The following B3GALT1 variants were observed in gnomAD, a reference collection of about 807,000 sequenced individuals.
B3GALT1 encodes the protein UDP-Gal:betaGlcNAc beta 1,3-galactosyltransferase, polypeptide 1.
In B3GALT1, 10 loss-of-function variants were observed where a neutral mutation model predicts 23.2. The ratio of observed to expected loss-of-function variants is 0.43; its 90% confidence interval spans 0.27 to 0.73. The LOEUF (loss-of-function observed/expected upper bound fraction) is 0.73. B3GALT1 is among the 30% of genes least tolerant of loss of function. The probability of loss-of-function intolerance (pLI) is 0.21; values close to 1 mark genes in which losing one functional copy is unlikely to be tolerated. For synonymous variants in B3GALT1, 156 were observed against 141.5 expected (o/e 1.10, Z -0.73); for missense variants, 299 against 405.4 (o/e 0.74, Z 2.25).
chr2:167,389,325 G>T (rs1697979366), intron 1 of B3GALT1, among the ~76,000 whole-genome samples: 1 of 152,136 alleles, frequency 6.6e-6, no homozygotes, highest in Admixed American at 6.5e-5. Context: ...TCAGTAGAAA[G>T]CAAAGAAAAA....
At chr2:167,561,988 C>G (rs544207695) in intron 2 of B3GALT1, among the ~76,000 whole-genome samples, 160 of 152,172 alleles carry the variant, frequency 1.1e-3, no homozygotes, top group African/African-American at 3.6e-3. Context: ...CCAAAGCCGG[C>G]CAGAAACACA....
rs75933302 is a variant in B3GALT1 at position 167,394,168 on chromosome 2, T to C, written c.-510-96009T>C. ...GAAATGTCCATCCACCTCTGAGTTATGAAGATTTTTGATGAAGTTCTATAA... is the reference window on the plus strand; with the variant it reads ...GAAATGTCCATCCACCTCTGAGTTACGAAGATTTTTGATGAAGTTCTATAA... On this transcript the variant is annotated intron_variant, in intron 1 of 4. Coordinates refer to ENST00000392690, the MANE Select transcript of B3GALT1 (RefSeq NM_020981.4). 5.1e-3 allele frequency among the ~76,000 whole-genome samples: 775 copies of C among 152,352 alleles called. 8 individuals are homozygous for C. The highest frequency in any genetic ancestry group is 0.018 in the African/African-American group (742 of 41,576).
chr2:167,560,752 C>A (rs1335727288), intron 2 of B3GALT1, among the ~76,000 whole-genome samples: 1 of 152,056 alleles, frequency 6.6e-6, no homozygotes, highest in African/African-American at 2.4e-5. Context: ...ACAAGAAGAG[C>A]TAACTGTCCT....
At chr2:167,428,928 A>G (rs760291049) in intron 1 of B3GALT1, among the ~76,000 whole-genome samples, 14 of 152,092 alleles carry the variant, frequency 9.2e-5, no homozygotes, top group African/African-American at 2.7e-4. Flanking sequence ...TCGACATACC[A>G]TCTTATTCTA....
At chr2:167,390,309 A>G (rs1408285385) in intron 1 of B3GALT1, among the ~76,000 whole-genome samples, 1 of 152,172 alleles carries the variant, frequency 6.6e-6, no homozygotes, top group African/African-American at 2.4e-5. Flanking sequence ...GAAATTGTCA[A>G]CTGTGGTCTA....
intron 2 of B3GALT1, among the ~76,000 whole-genome samples, chr2:167,618,286 A>C (rs901275023): frequency 3.9e-5 from 6 of 152,080 alleles, no homozygotes; most frequent in African/African-American, 1.4e-4. Flanking sequence ...TAAACTTTTT[A>C]TTAAATTCAG....
chr2:167,768,141 C>G (rs1370933288), intron 3 of B3GALT1, among the ~76,000 whole-genome samples: 2 of 152,216 alleles, frequency 1.3e-5, no homozygotes, highest in Non-Finnish European at 2.9e-5. Context: ...GCTGATCTCT[C>G]TGTCAGAGCA....
rs547248119 is a variant in B3GALT1 at position 167,844,646 on chromosome 2, G to A, written c.-229-24165G>A. Among the ~76,000 whole-genome samples the A allele has an allele frequency of 7.6e-4, 115 of 152,294 alleles. 1 individual carries two copies. Among genetic ancestry groups the A allele is most frequent in the African/African-American group, 2.6e-3 (106 of 41,564 alleles). ...TTCCTGCTGGGCACCACAAGGATCC[G>A]TCGAGAGGGCAGCCGGAGGAGCAGG... On this transcript the variant is annotated intron_variant, in intron 4 of 4. Coordinates refer to ENST00000392690, the MANE Select transcript of B3GALT1 (RefSeq NM_020981.4).
intron 1 of B3GALT1, among the ~76,000 whole-genome samples, chr2:167,488,075 G>T (rs981620273): frequency 1.3e-5 from 2 of 152,140 alleles, no homozygotes; most frequent in Non-Finnish European, 2.9e-5. Flanking sequence ...AATGAAATTT[G>T]ACTTTGAAAA....
At chr2:167,447,019 G>C (rs1467285176) in intron 1 of B3GALT1, among the ~76,000 whole-genome samples, 1 of 152,176 alleles carries the variant, frequency 6.6e-6, no homozygotes, top group Non-Finnish European at 1.5e-5. Context: ...TTTGATGATG[G>C]TGAGGTACAG....
intron 1 of B3GALT1, among the ~76,000 whole-genome samples, chr2:167,354,853 T>C (rs756652460): frequency 2.0e-5 from 3 of 152,182 alleles, no homozygotes; most frequent in Non-Finnish European, 4.4e-5. Flanking sequence ...TCCTGCGCAG[T>C]CTAATTCTAA....
rs1249213377 is a variant in B3GALT1 at position 167,380,312 on chromosome 2, G to A, written c.-511+86978G>A. On this transcript the variant is annotated intron_variant, in intron 1 of 4. Coordinates refer to ENST00000392690, the MANE Select transcript of B3GALT1 (RefSeq NM_020981.4). ...ACCATGAACTCAGGAGAACAGGGTGGGTCACCCAGCGATGGCACAGGCAGC... is the reference window on the plus strand; with the variant it reads ...ACCATGAACTCAGGAGAACAGGGTGAGTCACCCAGCGATGGCACAGGCAGC... Among the ~76,000 whole-genome samples, 4 of 152,112 alleles carry A rather than the reference G, an allele frequency of 2.6e-5. No homozygotes were observed. The East Asian group carries it at 7.7e-4, about 29-fold the overall frequency.
At chr2:167,366,700 G>A (rs1000333495) in intron 1 of B3GALT1, among the ~76,000 whole-genome samples, 3 of 152,188 alleles carry the variant, frequency 2.0e-5, no homozygotes, top group African/African-American at 4.8e-5. Flanking sequence ...TCTCTGCTTC[G>A]TGGAGTGTTT....
chr2:167,441,035 G>A (rs777560996), intron 1 of B3GALT1, among the ~76,000 whole-genome samples: 1 of 152,152 alleles, frequency 6.6e-6, no homozygotes, highest in Non-Finnish European at 1.5e-5. Flanking sequence ...CTAGTTGCTA[G>A]ACTGGGTTTA....
intron 3 of B3GALT1, among the ~76,000 whole-genome samples, chr2:167,656,904 A>T (rs1375034357): frequency 1.3e-5 from 2 of 152,174 alleles, no homozygotes; most frequent in Non-Finnish European, 2.9e-5. Context: ...ACAAATACCG[A>T]GAACCTATAT....
chr2:167,517,930 T>G (rs1700128777), intron 2 of B3GALT1, among the ~76,000 whole-genome samples: 1 of 152,146 alleles, frequency 6.6e-6, no homozygotes, highest in African/African-American at 2.4e-5. Context: ...CACTCAAGTC[T>G]ATAAAAAACA....
chr2:167,621,208 C>T (rs2105439390), intron 2 of B3GALT1, among the ~76,000 whole-genome samples: 1 of 150,750 alleles, frequency 6.6e-6, no homozygotes, highest in South Asian at 2.1e-4. Flanking sequence ...GCCACGTCAG[C>T]CTCTTGAGTA....
At chr2:167,732,099 A>G (rs1273541576) in intron 3 of B3GALT1, among the ~76,000 whole-genome samples, 1 of 152,210 alleles carries the variant, frequency 6.6e-6, no homozygotes, top group East Asian at 1.9e-4. Context: ...TCTAAGCTCA[A>G]TGTCAAACCT....
intron 2 of B3GALT1, among the ~76,000 whole-genome samples, chr2:167,493,694 G>A (rs114090369): frequency 0.011 from 1,721 of 152,266 alleles, 32 homozygotes; most frequent in African/African-American, 0.039. Flanking sequence ...GAAGAAGTAG[G>A]ATGATAAGAA....
Sources: allele counts gnomAD v4.1 joint callset (sites outside exome capture counted in the v4.1 genomes callset), GRCh38; gene constraint gnomAD v4.1.1; transcripts MANE v1.5; gene names NCBI Gene and HGNC (gene_info 2026-07-23, HGNC 2026-07-21).